Variants in ABCC8 observed in about 807,000 individuals in gnomAD.
ABCC8 encodes the protein ATP binding cassette subfamily C member 8.
A neutral mutation model predicts 188.0 loss-of-function variants in ABCC8; 137 were observed. That is an observed-to-expected ratio of 0.73 (90% CI 0.63 to 0.84). The LOEUF is 0.84. Among genes scored for constraint, ABCC8 ranks in the 40% least tolerant of loss-of-function variants. The pLI is 0.00. For missense variants in ABCC8, 1,750 were observed against 2,072.7 expected, an observed-to-expected ratio of 0.84 and a Z score of 3.02; for synonymous variants, 797 against 846.5, an observed-to-expected ratio of 0.94 and a Z score of 1.01.
chr11:17,410,205 A>G (rs1022965781), intron 22 of ABCC8: 1 of 337,422 alleles, frequency 3.0e-6, no homozygotes. Flanking sequence ...TGGGTCATCA[A>G]AAGGGCAGGA....
intron 6 of ABCC8, among the ~76,000 whole-genome samples, chr11:17,456,060 GA>G (rs1292213680): frequency 6.6e-6 from 1 of 151,990 alleles, no homozygotes; most frequent in African/African-American, 2.4e-5. Context: ...ACGGGGAGGG[GA>G]TATGATAGCA....
intron 6 of ABCC8, among the ~76,000 whole-genome samples, chr11:17,456,175 C>G (rs1329838008): frequency 6.6e-6 from 1 of 152,150 alleles, no homozygotes; most frequent in Non-Finnish European, 1.5e-5. Flanking sequence ...AGGCCCTAGT[C>G]TTGCATTTTC....
Position 17,448,690 on chromosome 11 carries a change from T to G in ABCC8, c.1177-19A>C. On this transcript the variant is annotated intron_variant, in intron 7 of 38. Transcript: ENST00000389817. ...TCTTGGTCTAGAAATGAGAGCAGAG[T>G]GTTTCACATTCATCATCATTCTCAT... 1.9e-6 allele frequency: 3 copies of G among 1,613,970 alleles called. No homozygotes were observed. The highest frequency in any genetic ancestry group is 2.5e-6 in the Non-Finnish European group (3 of 1,179,962).
intron 5 of ABCC8, chr11:17,461,341 A>C: frequency 1.8e-6 from 1 of 568,526 alleles, no homozygotes; most frequent in Non-Finnish European, 3.1e-6. Flanking sequence ...CCATCTGGAT[A>C]AGGACTTTGG....
intron 2 of ABCC8, among the ~76,000 whole-genome samples, 163 bp downstream of exon 2, chr11:17,474,723 G>T (rs1345933921): frequency 6.6e-6 from 1 of 152,186 alleles, no homozygotes; most frequent in Middle Eastern, 3.2e-3. Context: ...CTTGCGTCCA[G>T]TGCCCAGCTC....
chr11:17,406,312 T>G (rs1954519213), intron 26 of ABCC8: 1 of 396,298 alleles, frequency 2.5e-6, no homozygotes, highest in Non-Finnish European at 4.6e-6. Flanking sequence ...TGGGTGGGGA[T>G]GGGCAAATTA....
chr11:17,432,339 G>C (rs934438695), intron 10 of ABCC8, 95 bp from the exon 11 acceptor site: 1 of 1,549,352 alleles, frequency 6.5e-7, no homozygotes, highest in South Asian at 1.2e-5. Flanking sequence ...CAGTCCAGTG[G>C]GGCCAGCCTG....
intron 2 of ABCC8, among the ~76,000 whole-genome samples, chr11:17,471,995 T>A (rs1848508413): frequency 6.6e-6 from 1 of 152,222 alleles, no homozygotes; most frequent in Non-Finnish European, 1.5e-5. Flanking sequence ...CCTGGGGATC[T>A]TCAAAACTCT....
intron 16 of ABCC8, among the ~76,000 whole-genome samples, chr11:17,421,081 C>A (rs774826482): frequency 1.3e-5 from 2 of 152,154 alleles, no homozygotes; most frequent in Non-Finnish European, 2.9e-5. Flanking sequence ...TTGTGCCCAC[C>A]CTGCAGCTCT....
Position 17,398,415 on chromosome 11 carries a change from A to C in ABCC8, c.3677T>G (p.Leu1226Arg). Residue 1226 changes from leucine to arginine, a missense_variant, in exon 30 of 39, where the codon CTT becomes CGT. Leu to Arg is a moderately radical substitution (Grantham distance 102). Coordinates refer to ENST00000389817, the MANE Select transcript of ABCC8 (RefSeq NM_000352.6). ...FRYEARFQQKLLEYTDSNNIA... is the reference protein window; with the variant it reads ...FRYEARFQQKRLEYTDSNNIA... The stretch of plus-strand genomic sequence containing the variant: ...GTTGTTGGAGTCTGTGTATTCGAGA[A>C]GCTTCTGCTGGAACCGGGCCTCATA... 6.2e-7 allele frequency: 1 copy of C among 1,614,116 alleles called. No homozygotes were observed.
intron 21 of ABCC8, among the ~76,000 whole-genome samples, chr11:17,411,414 G>A (rs1442513654): frequency 2.6e-5 from 4 of 152,198 alleles, no homozygotes; most frequent in East Asian, 1.9e-4. Flanking sequence ...ATGAGAGATC[G>A]CGAATGCACC....
At chr11:17,418,253 C>T (rs1410830804) in intron 16 of ABCC8, among the ~76,000 whole-genome samples, 1 of 152,102 alleles carries the variant, frequency 6.6e-6, no homozygotes. Flanking sequence ...ACATTACTCC[C>T]CTGTGATTTC....
At chr11:17,442,574 A>G (rs1956357332) in intron 10 of ABCC8, 146 bp downstream of exon 10, 1 of 800,780 alleles carries the variant, frequency 1.2e-6, no homozygotes, top group Non-Finnish European at 2.2e-6. Flanking sequence ...CTTAGCTATC[A>G]GAGCCAGTTT....
At chr11:17,468,868 C>T (rs1300966177) in intron 3 of ABCC8, among the ~76,000 whole-genome samples, 1 of 152,162 alleles carries the variant, frequency 6.6e-6, no homozygotes, top group Non-Finnish European at 1.5e-5. Flanking sequence ...GCTCAGTAAA[C>T]ACCAACCATC....
chr11:17,396,118 T>G, intron 33 of ABCC8, 188 bp from the exon 34 acceptor site: 1 of 1,356,790 alleles, frequency 7.4e-7, no homozygotes, highest in Non-Finnish European at 9.9e-7. Context: ...CAGAGAGGGC[T>G]TACACAGGGA....
At position 17,464,211 on chromosome 11, in the gene ABCC8, G is replaced by A. The variant is rs568616807; in HGVS notation, c.413-607C>T. ...TTCATTTTACAGATGAGGAAACTGA[G>A]GCCCAGAAATAGGATGTGACCTTGC... On this transcript the variant is annotated intron_variant, in intron 3 of 38. Transcript: ENST00000389817. Among the ~76,000 whole-genome samples the A allele has an allele frequency of 1.1e-4, 17 of 152,346 alleles. No individual in the cohort carries two copies. The South Asian group carries it at 3.5e-3, about 32-fold the overall frequency.
In ABCC8 at chr11:17,406,609, G is replaced by T. The variant is rs1268156942; in HGVS notation, c.3329+13C>A. 1.2e-6 allele frequency: 2 copies of T among 1,610,952 alleles called. No homozygotes were observed. The highest frequency in any genetic ancestry group is 1.7e-6 in the Non-Finnish European group (2 of 1,177,806). ...TTGCTCACAGTCCCAGCCTGGCCAG[G>T]GGAGACGGGTACCTCATGGGGGCTA... On this transcript the variant is annotated intron_variant, in intron 26 of 38. Transcript: ENST00000389817.
chr11:17,420,157 A>G (rs1212175368), intron 16 of ABCC8, among the ~76,000 whole-genome samples: 1 of 152,228 alleles, frequency 6.6e-6, no homozygotes, highest in Non-Finnish European at 1.5e-5. Flanking sequence ...GCTAGGATAT[A>G]CAGGGCTCCA....
rs538013271 is a variant in ABCC8, at chr11:17,407,386, T to C, written c.2888A>G (p.Asp963Gly). ...CTCTTCCTCATCCTGCAGAAGGCCA[T>C]CCCTCGAGGACATGGCACGAGATAG... ...QGLSRAMSSR[D>G]GLLQDEEEEE... The change falls in exon 24 of 39, where the codon GAT (aspartate) becomes GGT (glycine). Residue 963 changes from aspartate to glycine, a missense_variant. Physicochemically the swap from Asp to Gly is moderately conservative, Grantham distance 94. Transcript: ENST00000389817. The C allele has an allele frequency of 6.8e-5, 109 of 1,614,098 alleles. 1 individual carries two copies. In the South Asian group the frequency reaches 1.2e-3, roughly 17 times the overall value.
Sources: gnomAD v4.1 joint callset for allele counts (sites outside exome capture counted in the v4.1 genomes callset) on GRCh38, gnomAD v4.1.1 for gene constraint, MANE v1.5 for transcripts, NCBI Gene and HGNC (gene_info 2026-07-23, HGNC 2026-07-21) for gene names.